Variants in CACNA1E observed in about 807,000 individuals in gnomAD.
CACNA1E encodes calcium voltage-gated channel subunit alpha1 E.
Under a neutral mutation model 259.2 loss-of-function variants are expected in CACNA1E, and 40 were observed. The ratio of observed to expected loss-of-function variants is 0.15; its 90% CI spans 0.12 to 0.20. The LOEUF is 0.20. Ranked by LOEUF, CACNA1E falls within the 10% of genes least tolerant of loss-of-function variation. The probability of loss-of-function intolerance (pLI) is 1.00; values close to 1 mark genes in which losing one functional copy is unlikely to be tolerated. For synonymous variants in CACNA1E, 1,104 were observed against 1,138.5 expected, an observed-to-expected ratio of 0.97 and a Z score of 0.61; for missense variants, 1,874 against 3,040.1, an observed-to-expected ratio of 0.62 and a Z score of 9.02.
chr1:181,740,154 C>T (rs1656426949), intron 25 of CACNA1E, among the ~76,000 whole-genome samples: 1 of 152,190 alleles, frequency 6.6e-6, no homozygotes, highest in Admixed American at 6.5e-5. Flanking sequence ...AGCCATCCCT[C>T]AAGTCTCTCT....
intron 2 of CACNA1E, among the ~76,000 whole-genome samples, chr1:181,432,679 A>G (rs919501126): frequency 8.5e-5 from 13 of 152,238 alleles, no homozygotes; most frequent in African/African-American, 2.9e-4. Context: ...GGTGGTGGGA[A>G]GTCTGAGTTT....
chr1:181,352,510 C>T (rs1653115649), intron 1 of CACNA1E, among the ~76,000 whole-genome samples: 1 of 152,138 alleles, frequency 6.6e-6, no homozygotes, highest in Non-Finnish European at 1.5e-5. Flanking sequence ...GGTCTCCTAC[C>T]TAGACAGTCT....
chr1:181,537,085 T>TTTTCC, intron 3 of CACNA1E, among the ~76,000 whole-genome samples: 1 of 122,110 alleles, frequency 8.2e-6, no homozygotes, highest in African/African-American at 3.0e-5. Context: ...CCGTGGTTTC[T>TTTTCC]TTTTCTTTTC....
Position 181,446,163 on chromosome 1 carries a change from T to C in CACNA1E, c.434+32583T>C, listed in dbSNP as rs574232825. Among the ~76,000 whole-genome samples the C allele has an allele frequency of 2.6e-5, 4 of 152,306 alleles. No individual in the cohort carries two copies. The South Asian group carries it at 8.3e-4, about 32-fold the overall frequency. ...GTACCTTACCAGACTGTGGTGTTCT[T>C]TGGGGGGACTTCCAGGACTGGGAGA... On this transcript the variant is annotated intron_variant, in intron 2 of 11. Transcript: ENST00000524607.
intron 20 of CACNA1E, 122 bp downstream of exon 20, chr1:181,733,156 A>T (rs1246294426): frequency 7.4e-7 from 1 of 1,354,544 alleles, no homozygotes; most frequent in Non-Finnish European, 9.7e-7. Context: ...ATGCTGACAC[A>T]CACTTTGTGA....
At chr1:181,561,080 A>G (rs1649278779) in intron 3 of CACNA1E, among the ~76,000 whole-genome samples, 1 of 152,204 alleles carries the variant, frequency 6.6e-6, no homozygotes. Context: ...CCAGGGGGCT[A>G]GCAGGAGGGG....
intron 1 of CACNA1E, among the ~76,000 whole-genome samples, chr1:181,335,972 T>C (rs1189676390): frequency 6.6e-6 from 1 of 152,222 alleles, no homozygotes; most frequent in East Asian, 1.9e-4. Flanking sequence ...GCAGTATGCC[T>C]GATAAGTGGT....
intron 3 of CACNA1E, among the ~76,000 whole-genome samples, chr1:181,544,232 T>C (rs1668813869): frequency 6.6e-6 from 1 of 152,190 alleles, no homozygotes; most frequent in Admixed American, 6.5e-5. Flanking sequence ...TCCATTTATA[T>C]TAAAAAGTTC....
At chr1:181,480,748 T>G (rs1213794808), upstream of CACNA1E, among the ~76,000 whole-genome samples, 3 of 152,146 alleles carry the variant, frequency 2.0e-5, no homozygotes, top group African/African-American at 7.2e-5. Context: ...GGTGACAGCA[T>G]GAGAGTGAAG....
intron 35 of CACNA1E, among the ~76,000 whole-genome samples, chr1:181,767,812 C>T (rs1659155741): frequency 6.6e-6 from 1 of 152,154 alleles, no homozygotes; most frequent in East Asian, 1.9e-4. Flanking sequence ...AAATAGAATT[C>T]CTGCTGAAGT....
At chr1:181,331,918 C>G (rs1651302374) in intron 1 of CACNA1E, among the ~76,000 whole-genome samples, 1 of 152,138 alleles carries the variant, frequency 6.6e-6, no homozygotes, top group Non-Finnish European at 1.5e-5. Flanking sequence ...TCTGGGTTCT[C>G]TATTCTGTTC....
At chr1:181,442,340 G>T (rs1660548084) in intron 2 of CACNA1E, among the ~76,000 whole-genome samples, 1 of 151,342 alleles carries the variant, frequency 6.6e-6, no homozygotes, top group Non-Finnish European at 1.5e-5. Flanking sequence ...ACAGGTATGA[G>T]GGACAGGTGT....
intron 45 of CACNA1E, 85 bp from the exon 46 acceptor site, chr1:181,794,779 G>T: frequency 7.8e-7 from 1 of 1,279,958 alleles, no homozygotes; most frequent in Non-Finnish European, 1.1e-6. Flanking sequence ...CTTCCTTAAC[G>T]TCTCAGTCTT....
chr1:181,401,374 T>A (rs892232935), intron 1 of CACNA1E, among the ~76,000 whole-genome samples: 1 of 152,184 alleles, frequency 6.6e-6, no homozygotes, highest in Admixed American at 6.5e-5. Flanking sequence ...CAGAGAACCT[T>A]ATTTGTTTTT....
At chr1:181,697,979 A>G (rs748244663) in intron 7 of CACNA1E, among the ~76,000 whole-genome samples, 1 of 152,186 alleles carries the variant, frequency 6.6e-6, no homozygotes, top group Non-Finnish European at 1.5e-5. Context: ...GGAAGCTTCC[A>G]CCCTCGTGCA....
intron 7 of CACNA1E, among the ~76,000 whole-genome samples, chr1:181,703,890 C>T (rs1038910658): frequency 3.9e-5 from 6 of 152,112 alleles, no homozygotes; most frequent in Non-Finnish European, 7.3e-5. Flanking sequence ...CTTCCATTGC[C>T]GTGGACATAA....
intron 1 of CACNA1E, among the ~76,000 whole-genome samples, chr1:181,394,147 TG>T (rs1235444176): frequency 6.6e-6 from 1 of 152,160 alleles, no homozygotes; most frequent in Non-Finnish European, 1.5e-5. Context: ...GATACAAGAA[TG>T]GGAAGAGTGG....
At chr1:181,569,166 T>A (rs1457727743) in intron 3 of CACNA1E, among the ~76,000 whole-genome samples, 1 of 152,244 alleles carries the variant, frequency 6.6e-6, no homozygotes, top group Non-Finnish European at 1.5e-5. Context: ...ATTTAATGTA[T>A]GTCTCTTTCA....
intron 6 of CACNA1E, among the ~76,000 whole-genome samples, chr1:181,601,018 C>G (rs1653689153): frequency 6.6e-6 from 1 of 152,090 alleles, no homozygotes; most frequent in Non-Finnish European, 1.5e-5. Flanking sequence ...GGGGCTATTT[C>G]TTCTGGAATT....
Sources: allele counts gnomAD v4.1 joint callset (sites outside exome capture counted in the v4.1 genomes callset), GRCh38; gene constraint gnomAD v4.1.1; transcripts MANE v1.5; gene names NCBI Gene and HGNC (gene_info 2026-07-23, HGNC 2026-07-21).